The following SYN3 variants were observed in gnomAD, a reference collection of about 807,000 sequenced individuals.
SYN3 encodes the protein synapsin III.
SYN3 carries 35 observed loss-of-function variants against 65.8 expected under a neutral mutation model. The observed-to-expected ratio is 0.53, with a 90% CI of 0.41 to 0.70. SYN3 has a LOEUF of 0.70. SYN3 is among the 30% of genes least tolerant of loss of function. The pLI is 0.00. For synonymous variants in SYN3, 270 were observed against 292.9 expected, an observed-to-expected ratio of 0.92 and a Z score of 0.80; for missense variants, 680 against 749.0, an observed-to-expected ratio of 0.91 and a Z score of 1.08.
At chr22:32,569,547 C>CAA (rs1307988338) in intron 7 of SYN3, among the ~76,000 whole-genome samples, 1,170 of 59,262 alleles carry the variant, frequency 0.02, 24 homozygotes, top group African/African-American at 0.11. Flanking sequence ...ATCTCTCTCT[C>CAA]TCTCTCTCTC....
At chr22:32,793,032 T>C (rs565481254) in intron 6 of SYN3, among the ~76,000 whole-genome samples, 4 of 152,220 alleles carry the variant, frequency 2.6e-5, no homozygotes, top group Non-Finnish European at 5.9e-5. Flanking sequence ...GTACCTATTA[T>C]TAAGGGTTGT....
intron 7 of SYN3, among the ~76,000 whole-genome samples, chr22:32,563,346 C>T (rs2058613823): frequency 6.6e-6 from 1 of 152,174 alleles, no homozygotes; most frequent in Non-Finnish European, 1.5e-5. Flanking sequence ...ACAGATGGGG[C>T]CCCAGAATTC....
At chr22:32,885,007 G>T (rs988467414) in intron 4 of SYN3, among the ~76,000 whole-genome samples, 14 of 152,180 alleles carry the variant, frequency 9.2e-5, no homozygotes, top group African/African-American at 3.1e-4. Flanking sequence ...CAGTTAGGTT[G>T]TTTCTAAGCT....
chr22:32,868,277 C>A (rs944698049), intron 5 of SYN3, among the ~76,000 whole-genome samples: 5 of 148,976 alleles, frequency 3.4e-5, no homozygotes, highest in Admixed American at 6.7e-5. Context: ...TATATAATAA[C>A]ATGTTTTGTT....
intron 6 of SYN3, among the ~76,000 whole-genome samples, chr22:32,780,644 A>G (rs2046018135): frequency 6.6e-6 from 1 of 152,120 alleles, no homozygotes; most frequent in African/African-American, 2.4e-5. Flanking sequence ...ACTGGCTCAG[A>G]GCCTGGGCAC....
chr22:32,836,905 T>C (rs2047747552), intron 6 of SYN3, among the ~76,000 whole-genome samples: 1 of 152,200 alleles, frequency 6.6e-6, no homozygotes, highest in Non-Finnish European at 1.5e-5. Flanking sequence ...TTGGCTCTTG[T>C]TCAAACCACA....
intron 3 of SYN3, among the ~76,000 whole-genome samples, chr22:32,934,993 TC>T (rs1357612632): frequency 6.6e-6 from 1 of 152,176 alleles, no homozygotes; most frequent in Non-Finnish European, 1.5e-5. Context: ...AAGGAAGGTC[TC>T]CCCTGGAGCC....
At chr22:32,617,466 C>CT (rs1287011033) in intron 6 of SYN3, among the ~76,000 whole-genome samples, 11 of 148,948 alleles carry the variant, frequency 7.4e-5, no homozygotes, top group East Asian at 4.0e-4. Context: ...CATGACACAT[C>CT]TTTTTTTTTC....
At chr22:32,857,429 C>T in intron 6 of SYN3, 5 of 1,178,174 alleles carry the variant, frequency 4.2e-6, no homozygotes, top group Admixed American at 3.4e-5. Context: ...TTCAGAAGAA[C>T]ACATACGGAG....
At chr22:32,765,024 C>T (rs2045587387) in intron 6 of SYN3, among the ~76,000 whole-genome samples, 3 of 151,736 alleles carry the variant, frequency 2.0e-5, no homozygotes, top group Admixed American at 1.3e-4. Flanking sequence ...TGCGCCCCCA[C>T]CCCACCCCAC....
intron 6 of SYN3, among the ~76,000 whole-genome samples, chr22:32,714,942 G>A (rs1250637691): frequency 6.6e-6 from 1 of 152,148 alleles, no homozygotes; most frequent in Non-Finnish European, 1.5e-5. Flanking sequence ...ATCTCCCATG[G>A]TATTTAGTTT....
chr22:32,756,862 G>C (rs2045305068), intron 6 of SYN3, among the ~76,000 whole-genome samples: 1 of 152,066 alleles, frequency 6.6e-6, no homozygotes, highest in Admixed American at 6.6e-5. Flanking sequence ...CCAGTTTTGG[G>C]TATTTCTTTA....
intron 6 of SYN3, among the ~76,000 whole-genome samples, chr22:32,779,590 A>G (rs1006257057): frequency 2.0e-5 from 3 of 152,322 alleles, no homozygotes; most frequent in African/African-American, 7.2e-5. Flanking sequence ...CGAAGCGGGC[A>G]TTATTATTCC....
intron 9 of SYN3, 112 bp from the exon 10 acceptor site, chr22:32,534,007 A>G: frequency 1.5e-6 from 1 of 664,578 alleles, no homozygotes; most frequent in Non-Finnish European, 2.7e-6. Context: ...AGTGACTCAC[A>G]CATCCAGACG....
intron 6 of SYN3, among the ~76,000 whole-genome samples, chr22:32,755,832 C>T (rs370217100): frequency 6.6e-6 from 1 of 152,114 alleles, no homozygotes; most frequent in Non-Finnish European, 1.5e-5. Context: ...CCTACGTACA[C>T]AATTTTTTTT....
chr22:33,009,608 AAAC>A (rs1394615638), intron 1 of SYN3, among the ~76,000 whole-genome samples: 1 of 152,162 alleles, frequency 6.6e-6, no homozygotes, highest in Non-Finnish European at 1.5e-5. Context: ...TGGCAGAATA[AAAC>A]AACTCTTAAA....
intron 3 of SYN3, among the ~76,000 whole-genome samples, chr22:32,959,411 TGTG>T: frequency 6.6e-6 from 1 of 151,938 alleles, no homozygotes; most frequent in South Asian, 2.1e-4. Context: ...CTAATACAGG[TGTG>T]GTGGTGCACG....
intron 1 of SYN3, among the ~76,000 whole-genome samples, chr22:33,042,302 T>G (rs2145938841): frequency 6.6e-6 from 1 of 152,270 alleles, no homozygotes; most frequent in African/African-American, 2.4e-5. Flanking sequence ...GAAATAAAAG[T>G]GTGGGGGTCA....
At chr22:32,643,552 GGGGGC>G (rs1448557191) in intron 6 of SYN3, among the ~76,000 whole-genome samples, 5 of 128,748 alleles carry the variant, frequency 3.9e-5, no homozygotes, top group Non-Finnish European at 8.2e-5. Context: ...GAAATGGTGG[GGGGGC>G]GGGGGGGGCA....
Sources: allele counts gnomAD v4.1 joint callset (sites outside exome capture counted in the v4.1 genomes callset), GRCh38; gene constraint gnomAD v4.1.1; transcripts MANE v1.5; gene names NCBI Gene and HGNC (gene_info 2026-07-23, HGNC 2026-07-21).